Variants in ZNF283 observed in about 807,000 individuals in gnomAD.
ZNF283 encodes zinc finger protein 41.
A neutral mutation model predicts 9.2 loss-of-function variants in ZNF283; 10 were observed. That is an observed-to-expected ratio of 1.09 (90% CI 0.67 to 1.85). ZNF283 has a LOEUF of 1.85. ZNF283 is among the 40% of genes most tolerant of loss of function. The probability of loss-of-function intolerance (pLI) is 0.00; values close to 1 mark genes in which losing one functional copy is unlikely to be tolerated. For missense variants in ZNF283, 631 were observed against 760.1 expected (o/e 0.83, Z 2.00); for synonymous variants, 234 against 244.1 (o/e 0.96, Z 0.38).
Position 43,847,727 on chromosome 19 carries a change from G to A in ZNF283, c.1126G>A (p.Glu376Lys). 1 of 1,613,646 alleles carries A rather than the reference G, an allele frequency of 6.2e-7. No individual in the cohort carries two copies. Among genetic ancestry groups the A allele is most frequent in the Non-Finnish European group, 8.5e-7 (1 of 1,179,864 alleles). Reference protein sequence around the residue: ...QKIHTGKKPYECKICGKAFCW... With the variant: ...QKIHTGKKPYKCKICGKAFCW... Reference sequence around the variant, plus strand: ...AATCCATACTGGTAAGAAACCTTATGAATGTAAAATATGTGGAAAGGCTTT... The same window carrying A: ...AATCCATACTGGTAAGAAACCTTATAAATGTAAAATATGTGGAAAGGCTTT... Residue 376 changes from glutamate to lysine, a missense_variant, in exon 7 of 7, where the codon GAA becomes AAA. Physicochemically the swap from Glu to Lys is moderately conservative, Grantham distance 56 (BLOSUM62 1). Transcript: ENST00000618787.
At chr19:43,828,345 T>C (rs2116939) in intron 2 of ZNF283, 64 bp downstream of exon 2, 25,892 of 152,170 alleles carry the variant, frequency 0.17, 2,338 homozygotes, top group Non-Finnish European at 0.21. Context: ...TTCTAGGTCA[T>C]GAGAACATTT....
chr19:43,837,368 G>A (rs745919684), intron 6 of ZNF283, 189 bp downstream of exon 6: 28 of 531,866 alleles, frequency 5.3e-5, no homozygotes, highest in Non-Finnish European at 8.3e-5. Flanking sequence ...ATCCCTCAGT[G>A]AGCTTTACAC....
At chr19:43,839,528 C>T (rs1391346840) in intron 6 of ZNF283, among the ~76,000 whole-genome samples, 1 of 151,894 alleles carries the variant, frequency 6.6e-6, no homozygotes, top group Non-Finnish European at 1.5e-5. Flanking sequence ...AAATTTTTTT[C>T]TCTACTTTTG....
intron 3 of ZNF283, among the ~76,000 whole-genome samples, chr19:43,833,054 A>T (rs1409190220): frequency 6.7e-6 from 1 of 149,870 alleles, no homozygotes; most frequent in East Asian, 1.9e-4. Context: ...AAAAAAAGAC[A>T]ACTTATAAAC....
rs1281959674 is a variant in ZNF283 at position 43,828,287 on chromosome 19, G to GT, written c.-65+12dup. 2 of 152,108 alleles carry GT rather than the reference G, an allele frequency of 1.3e-5. No homozygotes were observed. The highest frequency in any genetic ancestry group is 2.9e-5 in the Non-Finnish European group (2 of 68,016). The allele number at this position is 152,108 out of a possible 1,614,324, so 9.4% of individuals were successfully genotyped here. A position where few individuals can be genotyped will look rare whatever the true frequency, so the allele number is the denominator to read the frequency against. Reference sequence around the variant, plus strand: ...GTTTAGAAATCAAGGTTCAGGTGAGGTTTTTTATACATACTTTTTAAATAC... The same window carrying GT: ...GTTTAGAAATCAAGGTTCAGGTGAGGTTTTTTTATACATACTTTTTAAATAC... On this transcript the variant is annotated splice_region_variant and intron_variant, in intron 2 of 6. Transcript: ENST00000618787.
At chr19:43,836,962 C>T (rs1019299584) in intron 5 of ZNF283, 91 bp from the exon 6 acceptor site, 24 of 1,398,836 alleles carry the variant, frequency 1.7e-5, no homozygotes, top group Non-Finnish European at 1.9e-5. Flanking sequence ...TATTTCTCCC[C>T]CTCTTTGTAG....
At position 43,835,791 on chromosome 19, in the gene ZNF283, G is replaced by A. The variant is rs559013469; in HGVS notation, c.210+199G>A. ...GGAGGCGCTTCAGATTAGAGAGAGGGGAGTTAAGTGGTTCTTCCCAGGAAT... is the reference window on the plus strand; with the variant it reads ...GGAGGCGCTTCAGATTAGAGAGAGGAGAGTTAAGTGGTTCTTCCCAGGAAT... On this transcript the variant is annotated intron_variant, in intron 5 of 6. Coordinates refer to ENST00000618787, the MANE Select transcript of ZNF283 (RefSeq NM_181845.2). 2.0e-5 allele frequency among the ~76,000 whole-genome samples: 3 copies of A among 152,212 alleles called. No homozygotes were observed. In the South Asian group the frequency reaches 6.2e-4, roughly 32 times the overall value.
At chr19:43,834,936 T>A (rs991049565) in intron 4 of ZNF283, among the ~76,000 whole-genome samples, 8 of 152,218 alleles carry the variant, frequency 5.3e-5, no homozygotes, top group Middle Eastern at 3.2e-3. Context: ...CATTTTTTCA[T>A]CTATTGATGT....
Position 43,835,593 on chromosome 19 carries a change from G to A in ZNF283, c.210+1G>A. 2 of 1,594,098 alleles carry A rather than the reference G, an allele frequency of 1.3e-6. No homozygotes were observed. The highest frequency in any genetic ancestry group is 1.1e-5 in the South Asian group (1 of 88,922). On this transcript the variant is annotated splice_donor_variant, in intron 5 of 6. Coordinates refer to ENST00000618787, the MANE Select transcript of ZNF283 (RefSeq NM_181845.2). LOFTEE classifies it high-confidence loss of function. ...TTGCAATTCCAGAACCATGACTGATGTAAGTTGGTATTTTTCTCTCCATGA... is the reference window on the plus strand; with the variant it reads ...TTGCAATTCCAGAACCATGACTGATATAAGTTGGTATTTTTCTCTCCATGA...
At chr19:43,835,730 G>GT (rs1263813670) in intron 5 of ZNF283, 138 bp downstream of exon 5, 6 of 636,140 alleles carry the variant, frequency 9.4e-6, no homozygotes, top group Non-Finnish European at 1.6e-5. Flanking sequence ...GGGTTGCTTG[G>GT]TCTCAACCTC....
At chr19:43,843,714 G>A (rs892447432) in intron 6 of ZNF283, among the ~76,000 whole-genome samples, 7 of 152,156 alleles carry the variant, frequency 4.6e-5, no homozygotes, top group African/African-American at 1.4e-4. Flanking sequence ...ACCAGTGTAT[G>A]ATGTTACAAA....
At chr19:43,833,001 C>T (rs1176450978) in intron 3 of ZNF283, among the ~76,000 whole-genome samples, 1 of 140,080 alleles carries the variant, frequency 7.1e-6, no homozygotes, top group African/African-American at 2.7e-5. Context: ...ACACTCCAGC[C>T]TAGGCAACAG....
chr19:43,830,387 G>A (rs1352445413), intron 2 of ZNF283, among the ~76,000 whole-genome samples: 1 of 151,376 alleles, frequency 6.6e-6, no homozygotes, highest in South Asian at 2.1e-4. Context: ...CTTACGACAG[G>A]AAGTCTTAAC....
rs374238359 is a variant in ZNF283 at position 43,835,564 on chromosome 19, G to C, written c.182G>C (p.Ser61Thr). Residue 61 changes from serine to threonine, a missense_variant, in exon 5 of 7, where the codon AGT (serine) becomes ACT (threonine). Transcript: ENST00000618787. ...GAGGAATCCCATGGAGCATTAATTA[G>C]TTCTTGCAATTCCAGAACCATGACT... is the stretch of plus-strand genomic sequence containing the variant. ...PIEESHGALI[S>T]SCNSRTMTDG... 6 of 1,610,032 alleles carry C rather than the reference G, an allele frequency of 3.7e-6. No homozygotes were observed. In the African/African-American group the frequency reaches 6.7e-5, roughly 18 times the overall value.
chr19:43,847,224 T>C lies in ZNF283; in HGVS notation c.623T>C (p.Val208Ala). ...ATTCATAATACAGAGAAATCCTATG[T>C]TTGTAAGGAATGTGGGAAGGCTTGC... ...QRIHNTEKSY[V>A]CKECGKACSH... Residue 208 changes from valine (V) to alanine (A), a missense_variant, in exon 7 of 7, where the codon GTT (valine) becomes GCT (alanine). Around this residue, in one of 3 missense-constraint regions of ZNF283, gnomAD observed 184 missense variants for 220.0 expected, o/e 0.84. Coordinates refer to ENST00000618787, the MANE Select transcript of ZNF283 (RefSeq NM_181845.2). The C allele has an allele frequency of 6.2e-7, 1 of 1,613,862 alleles. No homozygotes were observed. The highest frequency in any genetic ancestry group is 8.5e-7 in the Non-Finnish European group (1 of 1,179,812).
chr19:43,828,115 G>GGGT (rs1305453399), intron 1 of ZNF283, 87 bp from the exon 2 acceptor site: 1 of 152,188 alleles, frequency 6.6e-6, no homozygotes, highest in East Asian at 1.9e-4. Flanking sequence ...TGGCCCCAGA[G>GGGT]GGTGTTTTGC....
chr19:43,831,419 GTT>G, intron 3 of ZNF283, 38 bp downstream of exon 3: 2 of 1,547,368 alleles, frequency 1.3e-6, no homozygotes, highest in Non-Finnish European at 1.7e-6. Context: ...GATTTTCAGT[GTT>G]GGCCCCGTTT....
chr19:43,834,271 A>C (rs1970852742), intron 4 of ZNF283, among the ~76,000 whole-genome samples: 1 of 152,126 alleles, frequency 6.6e-6, no homozygotes, highest in Non-Finnish European at 1.5e-5. Context: ...GGGGAACAAA[A>C]AAATAAATAA....
intron 5 of ZNF283, 88 bp from the exon 6 acceptor site, chr19:43,836,965 C>T (rs1971006906): frequency 1.4e-6 from 2 of 1,433,594 alleles, no homozygotes; most frequent in African/African-American, 2.8e-5. Flanking sequence ...TTCTCCCCCT[C>T]TTTGTAGTTC....
Sources: allele counts gnomAD v4.1 joint callset (sites outside exome capture counted in the v4.1 genomes callset), GRCh38; gene constraint gnomAD v4.1.1; regional missense constraint gnomAD v4.1.1; transcripts MANE v1.5; gene names NCBI Gene and HGNC (gene_info 2026-07-23, HGNC 2026-07-21).